The following CDH1 variants were observed in gnomAD, a reference collection of about 807,000 sequenced individuals.
CDH1 encodes cadherin 1, also known as cadherin-1.
A neutral mutation model predicts 84.5 loss-of-function variants in CDH1; 35 were observed. The ratio of observed to expected loss-of-function variants is 0.41; its 90% CI spans 0.32 to 0.55. The LOEUF is 0.55. Ranked by LOEUF, CDH1 falls within the 20% of genes least tolerant of loss-of-function variation. The pLI, the probability that CDH1 is intolerant of heterozygous loss-of-function variation, is 0.19. For missense variants in CDH1, 994 were observed against 1,126.6 expected, an observed-to-expected ratio of 0.88 and a Z score of 1.68; for synonymous variants, 417 against 439.0, an observed-to-expected ratio of 0.95 and a Z score of 0.63.
intron 2 of CDH1, among the ~76,000 whole-genome samples, chr16:68,787,219 C>G (rs1297849515): frequency 6.6e-6 from 1 of 152,178 alleles, no homozygotes; most frequent in Non-Finnish European, 1.5e-5. Flanking sequence ...AATTTCTCTC[C>G]CTCCGCAAGC....
chr16:68,780,036 A>T (rs1446926056), intron 2 of CDH1, among the ~76,000 whole-genome samples: 1 of 152,142 alleles, frequency 6.6e-6, no homozygotes, highest in East Asian at 1.9e-4. Context: ...TTTGTCACTG[A>T]CTACCCTTGT....
intron 3 of CDH1, among the ~76,000 whole-genome samples, chr16:68,807,804 G>T (rs915189014): frequency 1.3e-5 from 2 of 152,166 alleles, no homozygotes; most frequent in Non-Finnish European, 2.9e-5. Flanking sequence ...TTATGGGCTG[G>T]GTGTGGTGGC....
At chr16:68,779,155 C>T (rs1055160189) in intron 2 of CDH1, among the ~76,000 whole-genome samples, 4 of 152,210 alleles carry the variant, frequency 2.6e-5, no homozygotes, top group Admixed American at 6.5e-5. Context: ...ACATCAACAC[C>T]GCCTGCCTCA....
Position 68,738,403 on chromosome 16 carries a change from T to A in CDH1, c.155T>A (p.Leu52Gln), listed in dbSNP as rs1367719041. The change falls in exon 2 of 16, where the codon CTG (leucine) becomes CAG (glutamine). Residue 52 changes from leucine to glutamine, a missense_variant. Leu to Gln is a moderately radical substitution (Grantham distance 113). Coordinates refer to ENST00000261769, the MANE Select transcript of CDH1 (RefSeq NM_004360.5). ...CGCCACCTGGAGAGAGGCCGCGTCC[T>A]GGGCAGAGGTGAGGGCGCGCTGCCG... ...PRRHLERGRVLGRVNFEDCTG... is the reference protein window; with the variant it reads ...PRRHLERGRVQGRVNFEDCTG... The A allele has an allele frequency of 6.5e-7, 1 of 1,546,082 alleles. No homozygotes were observed.
At position 68,795,593 on chromosome 16, in the gene CDH1, C is replaced by T. The variant is rs186841158; in HGVS notation, c.164-6077C>T. ...CACTGCAACCTCTGCCTCCTGTGTTCGAGCAATTCTCCTGTCCTGGCCTTC... is the reference window on the plus strand; with the variant it reads ...CACTGCAACCTCTGCCTCCTGTGTTTGAGCAATTCTCCTGTCCTGGCCTTC... On this transcript the variant is annotated intron_variant, in intron 2 of 15. Coordinates refer to ENST00000261769, the MANE Select transcript of CDH1 (RefSeq NM_004360.5). Among the ~76,000 whole-genome samples, 105 of 152,188 alleles carry T rather than the reference C, an allele frequency of 6.9e-4. 1 individual carries two copies. Among genetic ancestry groups the T allele is most frequent in the African/African-American group, 2.4e-3 (99 of 41,558 alleles).
intron 2 of CDH1, among the ~76,000 whole-genome samples, chr16:68,774,179 G>T (rs1419770577): frequency 2.6e-5 from 4 of 152,156 alleles, no homozygotes; most frequent in Admixed American, 1.3e-4. Context: ...CTCCTAAAGT[G>T]CTGGAATTAC....
intron 2 of CDH1, among the ~76,000 whole-genome samples, chr16:68,782,923 A>G (rs932289323): frequency 7.2e-5 from 11 of 152,164 alleles, no homozygotes; most frequent in Middle Eastern, 3.2e-3. Flanking sequence ...CAACCCTGAG[A>G]ATGTACTTAT....
At chr16:68,762,872 C>CA (rs968923363) in intron 2 of CDH1, among the ~76,000 whole-genome samples, 2 of 129,986 alleles carry the variant, frequency 1.5e-5, no homozygotes, top group Non-Finnish European at 3.1e-5. Flanking sequence ...GAGTGAGCAC[C>CA]ACTGCACTCC....
At position 68,810,322 on chromosome 16, in the gene CDH1, C is replaced by G. The variant is rs1300078492; in HGVS notation, c.813C>G (p.Val271=). ...CCCAGGAGGTCTTTAAGGGGTCTGT[C>G]ATGGAAGGTGCTCTTCCAGGTATAT... is the stretch of plus-strand genomic sequence containing the variant. ...EFTQEVFKGS[V]MEGALPGTSV... Residue 271 remains valine (V), a synonymous_variant, in exon 6 of 16, where the codon GTC becomes GTG. Transcript: ENST00000261769. 1 of 1,614,052 alleles carries G rather than the reference C, an allele frequency of 6.2e-7. No individual in the cohort carries two copies. Among genetic ancestry groups the G allele is most frequent in the East Asian group, 2.2e-5 (1 of 44,886 alleles).
intron 2 of CDH1, among the ~76,000 whole-genome samples, chr16:68,783,172 A>G (rs887503105): frequency 6.6e-6 from 1 of 152,028 alleles, no homozygotes; most frequent in Admixed American, 6.6e-5. Flanking sequence ...CGAGGCAGGC[A>G]GATATCCTGA....
In CDH1 at chr16:68,815,516, G is replaced by T. The variant is rs2152134670; in HGVS notation, c.1322G>T (p.Gly441Val). The T allele has an allele frequency of 6.2e-7, 1 of 1,614,162 alleles. No homozygotes were observed. The highest frequency in any genetic ancestry group is 8.5e-7 in the Non-Finnish European group (1 of 1,180,032). Residue 441 changes from glycine (G) to valine (V), a missense_variant and splice_region_variant, in exon 10 of 16, where the codon GGC (glycine) becomes GTC (valine). Physicochemically the swap from Gly to Val is moderately radical, Grantham distance 109. Around this residue, in one of 3 missense-constraint regions of CDH1, gnomAD observed 769 missense variants for 881.8 expected, o/e 0.87. Transcript: ENST00000261769. Reference sequence around the variant, plus strand: ...AACTTCATTGTTTCTGCTCTCTAGGGCTTGGATTTTGAGGCCAAGCAGCAG... The same window carrying T: ...AACTTCATTGTTTCTGCTCTCTAGGTCTTGGATTTTGAGGCCAAGCAGCAG... ...NNDGILKTAK[G>V]LDFEAKQQYI...
intron 12 of CDH1, chr16:68,822,449 G>A (rs1596964216): frequency 1.7e-6 from 1 of 600,096 alleles, no homozygotes; most frequent in East Asian, 2.9e-5. Context: ...AACCCAAGCA[G>A]GGCTCCCTCT....
intron 2 of CDH1, among the ~76,000 whole-genome samples, chr16:68,783,611 ATTC>A: frequency 6.6e-6 from 1 of 152,150 alleles, no homozygotes; most frequent in Middle Eastern, 3.4e-3. Flanking sequence ...TTAAAGACAG[ATTC>A]TTCCCATATT....
intron 2 of CDH1, among the ~76,000 whole-genome samples, chr16:68,741,021 C>T (rs7203201): frequency 0.81 from 121,851 of 151,206 alleles, 49,852 homozygotes; most frequent in Non-Finnish European, 0.89. Flanking sequence ...GAGGTGTTGA[C>T]AGGGTGGGAC....
chr16:68,760,803 G>A (rs924441555), intron 2 of CDH1, among the ~76,000 whole-genome samples: 1 of 152,086 alleles, frequency 6.6e-6, no homozygotes, highest in African/African-American at 2.4e-5. Context: ...TGTGTGGGCT[G>A]GGTCAGCTGG....
intron 13 of CDH1, 23 bp downstream of exon 13, chr16:68,823,649 T>A (rs2152139735): frequency 6.6e-7 from 1 of 1,515,974 alleles, no homozygotes; most frequent in Non-Finnish European, 9.1e-7. Flanking sequence ...GGCAAGTGAC[T>A]CAGCCTTTGA....
chr16:68,744,764 A>C (rs554150235), intron 2 of CDH1, among the ~76,000 whole-genome samples: 53 of 152,320 alleles, frequency 3.5e-4, no homozygotes, highest in Admixed American at 1.1e-3. Flanking sequence ...GCATGGAGAC[A>C]TCATAGGATG....
intron 6 of CDH1, among the ~76,000 whole-genome samples, chr16:68,811,391 C>T (rs566310769): frequency 1.2e-4 from 16 of 130,002 alleles, no homozygotes; most frequent in African/African-American, 4.7e-4. Flanking sequence ...AGCAAAACTC[C>T]GTCTCAAAAA....
At chr16:68,814,680 A>G (rs995365485) in intron 9 of CDH1, 2 of 152,224 alleles carry the variant, frequency 1.3e-5, no homozygotes, top group Non-Finnish European at 2.9e-5. Context: ...TGACAGAGAA[A>G]ATGATTTACT....
Sources: allele counts gnomAD v4.1 joint callset (sites outside exome capture counted in the v4.1 genomes callset), GRCh38; gene constraint gnomAD v4.1.1; regional missense constraint gnomAD v4.1.1; transcripts MANE v1.5; gene names NCBI Gene and HGNC (gene_info 2026-07-23, HGNC 2026-07-21).